NUP210: variants seen among roughly 807,000 people sequenced by gnomAD.
NUP210 encodes the protein nucleoporin 210, also known as nuclear pore membrane glycoprotein 210.
In NUP210, 151 loss-of-function variants were observed where a neutral mutation model predicts 196.0. That is an observed-to-expected ratio of 0.77 (90% CI 0.67 to 0.88). The LOEUF (loss-of-function observed/expected upper bound fraction) is 0.88. Ranked by LOEUF, NUP210 falls within the 40% of genes least tolerant of loss-of-function variation. NUP210 has a pLI of 0.00. For missense variants in NUP210, 2,314 were observed against 2,493.7 expected (o/e 0.93, Z 1.53); for synonymous variants, 1,070 against 1,052.7 (o/e 1.02, Z -0.32).
At chr3:13,411,906 A>G (rs561859528) in intron 1 of NUP210, among the ~76,000 whole-genome samples, 2 of 151,046 alleles carry the variant, frequency 1.3e-5, no homozygotes, top group East Asian at 3.9e-4. Flanking sequence ...ACGCCCAGCT[A>G]TTTTTTTTGT....
intron 14 of NUP210, among the ~76,000 whole-genome samples, chr3:13,364,305 A>G (rs1039341150): frequency 5.9e-5 from 9 of 152,160 alleles, no homozygotes; most frequent in Non-Finnish European, 1.2e-4. Flanking sequence ...CCTGTGTGCT[A>G]AAGGAACAAA....
At position 13,348,478 on chromosome 3, in the gene NUP210, A is replaced by G. The variant is rs1697838145; in HGVS notation, c.2835+3401T>C. The G allele has an allele frequency of 5.1e-6, 5 of 985,192 alleles. No homozygotes were observed. Among genetic ancestry groups the G allele is most frequent in the African/African-American group, 1.7e-5 (1 of 57,260 alleles). The allele number at this position is 985,192 out of a possible 1,614,324, so 61.0% of individuals were successfully genotyped here. A position where few individuals can be genotyped will look rare whatever the true frequency, so the allele number is the denominator to read the frequency against. ...TGTACACATTTTTCCCTAACTTGGA[A>G]CTCCCCTCTTCTTGGTAATGGGGAA... is the stretch of plus-strand genomic sequence containing the variant. On this transcript the variant is annotated intron_variant, in intron 20 of 39. Transcript: ENST00000254508. This position sits in a 1 kb window ranked among gnomAD's most constrained non-coding sequence, Gnocchi z 4.0.
intron 29 of NUP210, among the ~76,000 whole-genome samples, chr3:13,331,015 C>A (rs532298528): frequency 2.0e-5 from 3 of 152,268 alleles, no homozygotes; most frequent in Admixed American, 2.0e-4. Flanking sequence ...AGCAAGGCAT[C>A]CTGGCATAGT....
chr3:13,353,492 G>T, intron 18 of NUP210, 62 bp downstream of exon 18: 1 of 1,336,134 alleles, frequency 7.5e-7, no homozygotes, highest in Non-Finnish European at 1.1e-6. Flanking sequence ...TGGAATTTAA[G>T]CAGAAGTAGG....
At chr3:13,332,188 A>C in intron 29 of NUP210, 105 bp downstream of exon 29, 2 of 886,342 alleles carry the variant, frequency 2.3e-6, no homozygotes, top group African/African-American at 1.6e-5. Context: ...AGCAGGAGAA[A>C]ACCTCCCTGA....
At chr3:13,389,467 G>C (rs557519572) in intron 4 of NUP210, among the ~76,000 whole-genome samples, 2 of 152,314 alleles carry the variant, frequency 1.3e-5, no homozygotes, top group Admixed American at 6.5e-5. Context: ...CTGAGGCTCA[G>C]GTGGGTAACG....
chr3:13,387,294 ACCAT>A (rs1465845188), intron 5 of NUP210, among the ~76,000 whole-genome samples: 1 of 152,230 alleles, frequency 6.6e-6, no homozygotes, highest in Non-Finnish European at 1.5e-5. Flanking sequence ...ATTGGGCACC[ACCAT>A]GGGCAGGGCT....
chr3:13,382,373 C>G (rs1213841546), intron 6 of NUP210, among the ~76,000 whole-genome samples: 1 of 152,228 alleles, frequency 6.6e-6, no homozygotes, highest in Admixed American at 6.5e-5. Context: ...CCTCCACTCA[C>G]AGGCCTCACT....
chr3:13,389,366 G>A (rs1699404509), intron 4 of NUP210, among the ~76,000 whole-genome samples: 2 of 152,180 alleles, frequency 1.3e-5, no homozygotes, highest in African/African-American at 4.8e-5. Flanking sequence ...GCCCAGAGAG[G>A]GGCCCTGAGT....
At chr3:13,411,563 C>A (rs961627299) in intron 1 of NUP210, among the ~76,000 whole-genome samples, 3 of 152,092 alleles carry the variant, frequency 2.0e-5, no homozygotes, top group African/African-American at 2.4e-5. Context: ...CCTGTCACCA[C>A]CCCCACATCT....
intron 20 of NUP210, among the ~76,000 whole-genome samples, chr3:13,344,129 AC>A (rs1178986976): frequency 5.9e-5 from 9 of 152,120 alleles, no homozygotes; most frequent in Non-Finnish European, 1.2e-4. Context: ...GCTCACTACA[AC>A]CTCAAACTCC....
At chr3:13,408,969 C>G (rs1035048383) in intron 1 of NUP210, among the ~76,000 whole-genome samples, 1 of 152,112 alleles carries the variant, frequency 6.6e-6, no homozygotes, top group Admixed American at 6.6e-5. Flanking sequence ...CTGGTGCTGT[C>G]ACATGGCCAG....
chr3:13,368,514 C>T (rs1051684329), intron 13 of NUP210, among the ~76,000 whole-genome samples: 1 of 151,664 alleles, frequency 6.6e-6, no homozygotes. Flanking sequence ...ATGGATGTCG[C>T]CACCATCCAT....
At chr3:13,332,712 G>A (rs576111968) in intron 28 of NUP210, among the ~76,000 whole-genome samples, 11 of 138,360 alleles carry the variant, frequency 8.0e-5, no homozygotes, top group Admixed American at 2.9e-4. Flanking sequence ...GAGCAACAGA[G>A]CAAGACCCTA....
chr3:13,343,339 T>TGGGGGGGTGGGGGGGGGGGGGGGGGG, intron 20 of NUP210, 36 bp from the exon 21 acceptor site: 1 of 282,518 alleles, frequency 3.5e-6, no homozygotes, highest in Non-Finnish European at 6.1e-6. Flanking sequence ...GGGTGGGTGG[T>TGGGGGGGTGGGGGGGGGGGGGGGGGG]GGGTTACGCA....
chr3:13,417,687 G>A (rs1391753197), intron 1 of NUP210, among the ~76,000 whole-genome samples: 2 of 152,118 alleles, frequency 1.3e-5, no homozygotes, highest in Non-Finnish European at 2.9e-5. Context: ...TCAAGTTAAG[G>A]GGGAATCACA....
At chr3:13,326,578 G>T (rs1696762972) in intron 32 of NUP210, among the ~76,000 whole-genome samples, 1 of 152,174 alleles carries the variant, frequency 6.6e-6, no homozygotes, top group Admixed American at 6.5e-5. Flanking sequence ...TAAAAGCTAA[G>T]TAAATAATTG....
chr3:13,324,937 A>G (rs1478711375), intron 33 of NUP210, among the ~76,000 whole-genome samples: 1 of 152,200 alleles, frequency 6.6e-6, no homozygotes, highest in Non-Finnish European at 1.5e-5. Context: ...CCCATTATAC[A>G]GGCAAGAAAA....
Position 13,341,837 on chromosome 3 carries a change from G to A in NUP210, c.3139C>T (p.Arg1047Cys), listed in dbSNP as rs372427404. ...LDNYTITFLI[R>C]GVAIGQTSLT... ...CTGGTCTGGCCGATGGCCACACCGC[G>A]GATGAGGAATGTGATGGTGTAGTTG... The change falls in exon 23 of 40, where the codon CGC becomes TGC. Residue 1047 changes from arginine to cysteine, a missense_variant. Coordinates refer to ENST00000254508, the MANE Select transcript of NUP210 (RefSeq NM_024923.4). The A allele has an allele frequency of 2.2e-5, 35 of 1,614,068 alleles. No individual in the cohort carries two copies. Among genetic ancestry groups the A allele is most frequent in the Admixed American group, 1.0e-4 (6 of 59,994 alleles).
Sources: allele counts gnomAD v4.1 joint callset (sites outside exome capture counted in the v4.1 genomes callset), GRCh38; gene constraint gnomAD v4.1.1; non-coding constraint Gnocchi (gnomAD v3.1); transcripts MANE v1.5; gene names NCBI Gene and HGNC (gene_info 2026-07-23, HGNC 2026-07-21).